KLHL30: variants seen among roughly 807,000 people sequenced by gnomAD.
KLHL30 encodes kelch-like protein 30.
KLHL30 carries 55 observed loss-of-function variants against 55.0 expected under a neutral mutation model. That is an observed-to-expected ratio of 1.00 (90% CI 0.80 to 1.25). KLHL30 has a LOEUF of 1.25. Among genes scored for constraint, KLHL30 ranks in the 50% most tolerant of loss-of-function variants. The probability of loss-of-function intolerance (pLI) is 0.00; values close to 1 mark genes in which losing one functional copy is unlikely to be tolerated. For missense variants in KLHL30, 786 were observed against 811.6 expected (o/e 0.97, Z 0.38); for synonymous variants, 356 against 372.6 (o/e 0.96, Z 0.51).
chr2:238,144,817 G>A, intron 3 of KLHL30, 85 bp from the exon 4 acceptor site: 1 of 1,003,864 alleles, frequency 1.0e-6, no homozygotes, highest in South Asian at 1.4e-5. Context: ...CCCGGTGCAT[G>A]GAAAGGCACC....
At chr2:238,146,882 T>C (rs1188070026) in intron 5 of KLHL30, among the ~76,000 whole-genome samples, 1 of 150,938 alleles carries the variant, frequency 6.6e-6, no homozygotes, top group East Asian at 2.0e-4. Context: ...TAGCTGGACA[T>C]GTAATCCCAG....
chr2:238,145,650 C>T, intron 4 of KLHL30, 27 bp from the exon 5 acceptor site: 1 of 1,562,414 alleles, frequency 6.4e-7, no homozygotes, highest in African/African-American at 1.4e-5. Flanking sequence ...CTGGTGGCAC[C>T]CATGTAGACA....
Position 238,149,131 on chromosome 2 carries a change from C to G in KLHL30, c.1464C>G (p.Pro488=), listed in dbSNP as rs548102228. 1 of 1,612,890 alleles carries G rather than the reference C, an allele frequency of 6.2e-7. No homozygotes were observed. The highest frequency in any genetic ancestry group is 2.2e-5 in the East Asian group (1 of 44,882). The change falls in exon 7 of 8, where the codon CCC becomes CCG. Residue 488 remains proline (P), a synonymous_variant. Coordinates refer to ENST00000409223, the MANE Select transcript of KLHL30 (RefSeq NM_198582.4). ...CCAAGAAGGTCTACGTGTACGACCCCGGGGCCAACCTGTGGCAGAAGGTGG... is the reference window on the plus strand; with the variant it reads ...CCAAGAAGGTCTACGTGTACGACCCGGGGGCCAACCTGTGGCAGAAGGTGG... ...DNTKKVYVYD[P]GANLWQKVQS...
rs916861729 is a variant in KLHL30, at chr2:238,145,917, G to T, written c.1150+85G>T. 7.8e-6 allele frequency: 11 copies of T among 1,405,442 alleles called. No homozygotes were observed. In the African/African-American group the frequency reaches 1.6e-4, roughly 20 times the overall value. 87.1% of individuals were successfully genotyped at this position (1,405,442 alleles called of 1,614,324 possible). On this transcript the variant is annotated intron_variant, in intron 5 of 7. Coordinates refer to ENST00000409223, the MANE Select transcript of KLHL30 (RefSeq NM_198582.4). The stretch of plus-strand genomic sequence containing the variant: ...AACAGGAACCGAGAGCCCCATGCTG[G>T]CCTCGGAGACCACGGAGATGCCGCT...
chr2:238,152,143 G>T lies in KLHL30; in HGVS notation c.*1078G>T. The T allele has an allele frequency of 3.0e-6, 3 of 985,476 alleles. No individual in the cohort carries two copies. The highest frequency in any genetic ancestry group is 3.6e-6 in the Non-Finnish European group (3 of 829,988). The allele number at this position is 985,476 out of a possible 1,614,324, so 61.0% of individuals were successfully genotyped here. A position where few individuals can be genotyped will look rare whatever the true frequency, so the allele number is the denominator to read the frequency against. ...AGGAGTCGGGCCCGGCCAGGCACAGGCCCTGGTGTTGCCCCAGAGGCCCTG... is the reference window on the plus strand; with the variant it reads ...AGGAGTCGGGCCCGGCCAGGCACAGTCCCTGGTGTTGCCCCAGAGGCCCTG... On this transcript the variant is annotated 3_prime_UTR_variant, in exon 8 of 8. Transcript: ENST00000409223.
At position 238,145,064 on chromosome 2, in the gene KLHL30, G is replaced by A. The variant is rs879133968; in HGVS notation, c.994+76G>A. Reference sequence around the variant, plus strand: ...GGCTCAGTGCAACTCCCCGCACTCCGTGGGGTCCCTGAGGGTTAGTCAAGG... The same window carrying A: ...GGCTCAGTGCAACTCCCCGCACTCCATGGGGTCCCTGAGGGTTAGTCAAGG... On this transcript the variant is annotated intron_variant, in intron 4 of 7. Coordinates refer to ENST00000409223, the MANE Select transcript of KLHL30 (RefSeq NM_198582.4). 31 of 1,201,044 alleles carry A rather than the reference G, an allele frequency of 2.6e-5. 1 individual carries two copies. Among genetic ancestry groups the A allele is most frequent in the South Asian group, 1.9e-4 (15 of 77,434 alleles). 74.4% of individuals were successfully genotyped at this position (1,201,044 alleles called of 1,614,324 possible). A position where few individuals can be genotyped will look rare whatever the true frequency, so the allele number is the denominator to read the frequency against.
In KLHL30 at chr2:238,140,795, C is replaced by T. The variant is rs565235741; in HGVS notation, c.41C>T (p.Ser14Leu). 5.4e-5 allele frequency: 85 copies of T among 1,581,056 alleles called. No individual in the cohort carries two copies. The highest frequency in any genetic ancestry group is 1.7e-4 in the Middle Eastern group (1 of 5,982). ...NVDDLDFHLP[S>L]HAQDMLDGLQ... is the part of the protein sequence containing the mutation. ...GATGACCTGGATTTCCACCTGCCCT[C>T]GCATGCCCAGGACATGCTGGATGGC... Residue 14 changes from serine (S) to leucine (L), a missense_variant, in exon 2 of 8, where the codon TCG (serine) becomes TTG (leucine). Ser to Leu is a moderately radical substitution (Grantham distance 145). Transcript: ENST00000409223.
Position 238,150,840 on chromosome 2 carries a change from G to A in KLHL30, c.1512G>A (p.Glu504=). 1 of 1,590,042 alleles carries A rather than the reference G, an allele frequency of 6.3e-7. No individual in the cohort carries two copies. The change falls in exon 8 of 8, where the codon GAG becomes GAA. Residue 504 remains glutamate (E), a synonymous_variant. Coordinates refer to ENST00000409223, the MANE Select transcript of KLHL30 (RefSeq NM_198582.4). ...TGCAGTCACAGCACAGCCTGCATGAGAATGGCGCGCTGGTGCCACTGGGTG... is the reference window on the plus strand; with the variant it reads ...TGCAGTCACAGCACAGCCTGCATGAAAATGGCGCGCTGGTGCCACTGGGTG... ...QKVQSQHSLH[E]NGALVPLGDA...
chr2:238,152,170 G>T lies in KLHL30; in HGVS notation c.*1105G>T. The stretch of plus-strand genomic sequence containing the variant: ...CCTGGTGTTGCCCCAGAGGCCCTGG[G>T]CAGCTCCGGTCTCCCGCCGGATCCA... On this transcript the variant is annotated 3_prime_UTR_variant, in exon 8 of 8. Coordinates refer to ENST00000409223, the MANE Select transcript of KLHL30 (RefSeq NM_198582.4). 1.0e-6 allele frequency: 1 copy of T among 985,522 alleles called. No homozygotes were observed. The highest frequency in any genetic ancestry group is 1.2e-6 in the Non-Finnish European group (1 of 830,032). 61.0% of individuals were successfully genotyped at this position (985,522 alleles called of 1,614,324 possible). A position where few individuals can be genotyped will look rare whatever the true frequency, so the allele number is the denominator to read the frequency against.
In KLHL30 at chr2:238,145,671, C is replaced by CG; in HGVS notation, c.995-4dup. Reference sequence around the variant, plus strand: ...GCACCCATGTAGACAGAACTTCTCCCGGCAGGTGGCTCTCGGGGCACAAAG... The same window carrying CG: ...GCACCCATGTAGACAGAACTTCTCCCGGGCAGGTGGCTCTCGGGGCACAAAG... On this transcript the variant is annotated splice_polypyrimidine_tract_variant and splice_region_variant and intron_variant, in intron 4 of 7. Transcript: ENST00000409223. 6.4e-7 allele frequency: 1 copy of CG among 1,571,406 alleles called. No individual in the cohort carries two copies. Among genetic ancestry groups the CG allele is most frequent in the Non-Finnish European group, 8.6e-7 (1 of 1,160,240 alleles).
Position 238,152,045 on chromosome 2 carries a change from G to A in KLHL30, c.*980G>A. The A allele has an allele frequency of 5.1e-6, 5 of 985,508 alleles. No individual in the cohort carries two copies. The highest frequency in any genetic ancestry group is 6.0e-6 in the Non-Finnish European group (5 of 829,990). 61.0% of individuals were successfully genotyped at this position (985,508 alleles called of 1,614,324 possible). A position where few individuals can be genotyped will look rare whatever the true frequency, so the allele number is the denominator to read the frequency against. On this transcript the variant is annotated 3_prime_UTR_variant, in exon 8 of 8. Coordinates refer to ENST00000409223, the MANE Select transcript of KLHL30 (RefSeq NM_198582.4). ...CCTTTGCAGCTAAGGAGACAATGAA[G>A]GACTCTCCCTGGGTGCCCAATGGCG...
intron 2 of KLHL30, among the ~76,000 whole-genome samples, chr2:238,142,272 C>T (rs897575903): frequency 2.0e-5 from 3 of 152,216 alleles, no homozygotes; most frequent in African/African-American, 7.2e-5. Flanking sequence ...AACCCCTGTC[C>T]CCACTGGATT....
intron 3 of KLHL30, among the ~76,000 whole-genome samples, chr2:238,143,953 T>C (rs1404538188): frequency 6.6e-6 from 1 of 152,202 alleles, no homozygotes; most frequent in African/African-American, 2.4e-5. Context: ...AACAGAGTCT[T>C]CCTAGGGGAC....
chr2:238,151,987 G>C lies in KLHL30; in HGVS notation c.*922G>C. ...CGACTCCGGCTGGCTCAGGCTCCGA[G>C]TGGCTTCTCCCTCATCCTGAATGAG... is the stretch of plus-strand genomic sequence containing the variant. On this transcript the variant is annotated 3_prime_UTR_variant, in exon 8 of 8. Coordinates refer to ENST00000409223, the MANE Select transcript of KLHL30 (RefSeq NM_198582.4). 5 of 985,512 alleles carry C rather than the reference G, an allele frequency of 5.1e-6. No homozygotes were observed. The highest frequency in any genetic ancestry group is 6.0e-6 in the Non-Finnish European group (5 of 829,966). 61.0% of individuals were successfully genotyped at this position (985,512 alleles called of 1,614,324 possible).
chr2:238,144,437 AGGCAGGCAGGCAGGCAGGCAGGCAGGC>A (rs1692610067), intron 3 of KLHL30, among the ~76,000 whole-genome samples: 2 of 92,188 alleles, frequency 2.2e-5, no homozygotes, highest in Admixed American at 1.1e-4. Context: ...GAAGGAAGGC[AGGCAGGCAGGCAGGCAGGCAGGCAGGC>A]AGGCAGGCAG....
In KLHL30 at chr2:238,151,223, G is replaced by A. The variant is rs1162681556; in HGVS notation, c.*158G>A. 2 of 1,039,398 alleles carry A rather than the reference G, an allele frequency of 1.9e-6. No individual in the cohort carries two copies. Among genetic ancestry groups the A allele is most frequent in the Non-Finnish European group, 2.7e-6 (2 of 730,820 alleles). 64.4% of individuals were successfully genotyped at this position (1,039,398 alleles called of 1,614,324 possible). ...GGTGATCAGACGGCATGGCTTGGAG[G>A]ACACAGCCTTGGTCTCTGTGGCCAC... On this transcript the variant is annotated 3_prime_UTR_variant, in exon 8 of 8. Coordinates refer to ENST00000409223, the MANE Select transcript of KLHL30 (RefSeq NM_198582.4).
In KLHL30 at chr2:238,150,968, G is replaced by A. The variant is rs778459195; in HGVS notation, c.1640G>A (p.Gly547Asp). Reference sequence around the variant, plus strand: ...GTTCGGGACACCTGGACCCGCCACGGCGCCCTGCCCCGGCTCTGGCTCTAC... The same window carrying A: ...GTTCGGGACACCTGGACCCGCCACGACGCCCTGCCCCGGCTCTGGCTCTAC... Reference protein sequence around the residue: ...DTVRDTWTRHGALPRLWLYHG... With the variant: ...DTVRDTWTRHDALPRLWLYHG... The change falls in exon 8 of 8, where the codon GGC becomes GAC. Residue 547 changes from glycine (G) to aspartate (D), a missense_variant. By Grantham distance (94) the Gly-to-Asp change is moderately conservative. Coordinates refer to ENST00000409223, the MANE Select transcript of KLHL30 (RefSeq NM_198582.4). 2 of 1,589,600 alleles carry A rather than the reference G, an allele frequency of 1.3e-6. No individual in the cohort carries two copies. The highest frequency in any genetic ancestry group is 3.5e-5 in the Admixed American group (2 of 56,584).
At chr2:238,138,913 G>A (rs1052092257) in intron 1 of KLHL30, among the ~76,000 whole-genome samples, 155 bp downstream of exon 1, 13 of 152,314 alleles carry the variant, frequency 8.5e-5, no homozygotes, top group Admixed American at 2.6e-4. Context: ...GCCAAGCCAG[G>A]CTCCTCAGGG....
At chr2:238,139,609 C>T (rs192535774) in intron 1 of KLHL30, among the ~76,000 whole-genome samples, 22 of 152,328 alleles carry the variant, frequency 1.4e-4, no homozygotes, top group African/African-American at 5.1e-4. Flanking sequence ...TGCACCTGTA[C>T]CTGCACCGTG....
Sources: allele counts gnomAD v4.1 joint callset (sites outside exome capture counted in the v4.1 genomes callset), GRCh38; gene constraint gnomAD v4.1.1; transcripts MANE v1.5; gene names NCBI Gene and HGNC (gene_info 2026-07-23, HGNC 2026-07-21).